The following HTT variants were observed in gnomAD, a reference collection of about 807,000 sequenced individuals.
HTT encodes the protein huntington disease protein.
In HTT, 104 loss-of-function variants were observed where a neutral mutation model predicts 362.3. The ratio of observed to expected loss-of-function variants is 0.29; its 90% CI spans 0.24 to 0.34. HTT has a LOEUF of 0.34. Among genes scored for constraint, HTT ranks in the 10% least tolerant of loss-of-function variants. The probability of loss-of-function intolerance (pLI) is 1.00; values close to 1 mark genes in which losing one functional copy is unlikely to be tolerated. For synonymous variants in HTT, 1,577 were observed against 1,548.7 expected (o/e 1.02, Z -0.43); for missense variants, 3,301 against 3,928.6 (o/e 0.84, Z 4.27).
intron 40 of HTT, among the ~76,000 whole-genome samples, chr4:3,191,952 T>A (rs1719030737): frequency 6.6e-6 from 1 of 152,196 alleles, no homozygotes; most frequent in South Asian, 2.1e-4. Context: ...TGGTTTAAGC[T>A]CCTGGAAAGT....
At chr4:3,168,463 T>G (rs562926912) in intron 29 of HTT, among the ~76,000 whole-genome samples, 1 of 152,362 alleles carries the variant, frequency 6.6e-6, no homozygotes, top group African/African-American at 2.4e-5. Context: ...TAGAATCATT[T>G]TCTTTTTCTA....
chr4:3,209,058 TG>T (rs1044734304), intron 46 of HTT, 147 bp downstream of exon 46: 1 of 872,008 alleles, frequency 1.1e-6, no homozygotes, highest in Non-Finnish European at 1.7e-6. Context: ...GTTAGAGACG[TG>T]GGGGGCCATC....
At chr4:3,181,029 A>G (rs1718501799) in intron 36 of HTT, among the ~76,000 whole-genome samples, 1 of 151,874 alleles carries the variant, frequency 6.6e-6, no homozygotes, top group Non-Finnish European at 1.5e-5. Context: ...GGCATGCACC[A>G]CCATGCCCAG....
At chr4:3,236,102 A>G (rs1467562306) in intron 63 of HTT, 47 bp from the exon 64 acceptor site, 9 of 1,321,774 alleles carry the variant, frequency 6.8e-6, no homozygotes, top group African/African-American at 1.4e-5. Flanking sequence ...TACAGAGCCT[A>G]TTGGGTTGTA....
chr4:3,150,236 A>G (rs750055258), intron 26 of HTT, among the ~76,000 whole-genome samples: 1 of 152,206 alleles, frequency 6.6e-6, no homozygotes, highest in Non-Finnish European at 1.5e-5. Context: ...TAGCCACTAA[A>G]CACATATAGC....
At chr4:3,164,748 C>T (rs937029068) in intron 29 of HTT, among the ~76,000 whole-genome samples, 1 of 151,092 alleles carries the variant, frequency 6.6e-6, no homozygotes, top group Admixed American at 6.6e-5. Context: ...GCAATCCCTG[C>T]TTTTTTTTTG....
intron 21 of HTT, among the ~76,000 whole-genome samples, chr4:3,138,400 G>A (rs926446492): frequency 1.3e-5 from 2 of 151,772 alleles, no homozygotes; most frequent in East Asian, 1.9e-4. Context: ...CCAGCCTTCC[G>A]CCTTGTGAGT....
intron 1 of HTT, among the ~76,000 whole-genome samples, chr4:3,075,611 T>C (rs951371407): frequency 3.5e-5 from 4 of 113,740 alleles, no homozygotes; most frequent in East Asian, 5.9e-4. Flanking sequence ...GTGGATGACA[T>C]AATGCTTTTA....
At chr4:3,158,567 A>C (rs1193016684) in intron 28 of HTT, among the ~76,000 whole-genome samples, 1 of 152,180 alleles carries the variant, frequency 6.6e-6, no homozygotes, top group African/African-American at 2.4e-5. Context: ...ATTATTTCAC[A>C]TAGCTCTTGC....
rs557652938 is a variant in HTT, at chr4:3,234,729, C to T, written c.8457-555C>T. On this transcript the variant is annotated intron_variant, in intron 61 of 66. Coordinates refer to ENST00000355072, the MANE Select transcript of HTT (RefSeq NM_001388492.1). ...TGCCTCCGAGGTGGAGGTGGGACCA[C>T]GTGGTGACAGATATACGCATCACTG... 3.9e-5 allele frequency among the ~76,000 whole-genome samples: 6 copies of T among 152,284 alleles called. No individual in the cohort carries two copies. The East Asian group carries it at 5.8e-4, about 15-fold the overall frequency.
intron 46 of HTT, among the ~76,000 whole-genome samples, chr4:3,209,116 G>A (rs1030716876): frequency 6.6e-6 from 1 of 152,236 alleles, no homozygotes; most frequent in African/African-American, 2.4e-5. Flanking sequence ...CCTTTTGGTA[G>A]GAGTGTGGGG....
At chr4:3,147,551 G>A (rs1268278701) in intron 25 of HTT, among the ~76,000 whole-genome samples, 4 of 152,170 alleles carry the variant, frequency 2.6e-5, no homozygotes, top group East Asian at 3.8e-4. Context: ...GGAGAGTTTC[G>A]TGAAAGGGAC....
intron 33 of HTT, 68 bp downstream of exon 33, chr4:3,175,175 C>T (rs1718183102): frequency 7.3e-7 from 1 of 1,371,908 alleles, no homozygotes; most frequent in African/African-American, 1.5e-5. Context: ...CTAAAAGACA[C>T]TGAAATCTAC....
chr4:3,145,100 C>G, intron 23 of HTT, 52 bp from the exon 24 acceptor site: 1 of 1,304,622 alleles, frequency 7.7e-7, no homozygotes, highest in Non-Finnish European at 1.1e-6. Context: ...AGATATAATT[C>G]AATAAACCTT....
At chr4:3,216,450 AAATC>A (rs1274154775) in intron 51 of HTT, among the ~76,000 whole-genome samples, 1 of 152,258 alleles carries the variant, frequency 6.6e-6, no homozygotes, top group African/African-American at 2.4e-5. Flanking sequence ...GTGTGGATTG[AAATC>A]AATCAGTTAA....
chr4:3,215,286 C>T (rs756989719), intron 51 of HTT, 75 bp downstream of exon 51: 11 of 1,123,648 alleles, frequency 9.8e-6, no homozygotes, highest in South Asian at 6.6e-5. Context: ...AGACGTGCAC[C>T]GCGGTGAGTG....
chr4:3,242,252 A>G lies in HTT; in HGVS notation c.*2193A>G, dbSNP rs1721837505. 1 of 152,232 alleles carries G rather than the reference A, an allele frequency of 6.6e-6. No individual in the cohort carries two copies. Among genetic ancestry groups the G allele is most frequent in the South Asian group, 2.1e-4 (1 of 4,830 alleles). The allele number at this position is 152,232 out of a possible 1,614,324, so 9.4% of individuals were successfully genotyped here. Reference sequence around the variant, plus strand: ...CTTCCTCTTGTTTACGACGTGATCTAAACCAGTCCTTAGCAAGGGGCTCAG... The same window carrying G: ...CTTCCTCTTGTTTACGACGTGATCTGAACCAGTCCTTAGCAAGGGGCTCAG... On this transcript the variant is annotated 3_prime_UTR_variant, in exon 67 of 67. Transcript: ENST00000355072.
intron 42 of HTT, among the ~76,000 whole-genome samples, chr4:3,205,936 T>C (rs1371830542): frequency 6.6e-6 from 1 of 152,156 alleles, no homozygotes; most frequent in Non-Finnish European, 1.5e-5. Flanking sequence ...TTCTTATAAA[T>C]CTTAAATATC....
chr4:3,110,054 T>C (rs1237361361), intron 6 of HTT, among the ~76,000 whole-genome samples: 8 of 152,198 alleles, frequency 5.3e-5, no homozygotes, highest in Non-Finnish European at 1.2e-4. Context: ...CTGGCTTTCA[T>C]CACCATGTCG....
Sources: gnomAD v4.1 joint callset for allele counts (sites outside exome capture counted in the v4.1 genomes callset) on GRCh38, gnomAD v4.1.1 for gene constraint, MANE v1.5 for transcripts, NCBI Gene and HGNC (gene_info 2026-07-23, HGNC 2026-07-21) for gene names.